MSRA: variants seen among roughly 807,000 people sequenced by gnomAD.
MSRA encodes the protein methionine sulfoxide reductase A.
In MSRA, 54 loss-of-function variants were observed where a neutral mutation model predicts 31.3. The observed-to-expected ratio is 1.73, with a 90% CI of 1.39 to 2.17. The LOEUF (loss-of-function observed/expected upper bound fraction) is 2.17, where lower values mean the gene tolerates loss of function less well. Ranked by LOEUF, MSRA falls within the 30% of genes most tolerant of loss-of-function variation. The pLI is 0.00. For synonymous variants in MSRA, 169 were observed against 116.5 expected, an observed-to-expected ratio of 1.45 and a Z score of -2.90; for missense variants, 507 against 300.9, an observed-to-expected ratio of 1.69 and a Z score of -5.07.
intron 3 of MSRA, among the ~76,000 whole-genome samples, chr8:10,255,782 A>G (rs1179092596): frequency 5.5e-5 from 8 of 146,504 alleles, no homozygotes; most frequent in African/African-American, 2.0e-4. Context: ...GTGTGGGGGC[A>G]TTGGGAGGCT....
At chr8:10,156,640 G>T (rs903410302) in intron 1 of MSRA, among the ~76,000 whole-genome samples, 3 of 151,982 alleles carry the variant, frequency 2.0e-5, no homozygotes, top group Admixed American at 2.0e-4. Flanking sequence ...GTGCTAGGAT[G>T]GCATGTGGGA....
At chr8:10,392,440 T>G (rs1258647159) in intron 5 of MSRA, among the ~76,000 whole-genome samples, 4 of 152,088 alleles carry the variant, frequency 2.6e-5, no homozygotes, top group African/African-American at 4.8e-5. Flanking sequence ...CTGAGTCCAG[T>G]GCAGCCCTCT....
chr8:10,266,038 A>G (rs536688802), intron 3 of MSRA, among the ~76,000 whole-genome samples: 2 of 152,306 alleles, frequency 1.3e-5, no homozygotes, highest in African/African-American at 4.8e-5. Context: ...TGTTACAAAT[A>G]ATGCTGCCAT....
At chr8:10,288,567 C>T (rs1223257235) in intron 3 of MSRA, among the ~76,000 whole-genome samples, 3 of 152,134 alleles carry the variant, frequency 2.0e-5, no homozygotes, top group African/African-American at 7.2e-5. Context: ...TGTAAAATAA[C>T]TGATGCTTTT....
Position 10,073,391 on chromosome 8 carries a change from C to G in MSRA, c.142+18733C>G, listed in dbSNP as rs367725783. 2.2e-4 allele frequency among the ~76,000 whole-genome samples: 34 copies of G among 152,270 alleles called. No homozygotes were observed. The East Asian group carries it at 4.8e-3, about 22-fold the overall frequency. On this transcript the variant is annotated intron_variant, in intron 1 of 5. Coordinates refer to ENST00000317173, the MANE Select transcript of MSRA (RefSeq NM_012331.5). ...AACACAGGCATGCTTATTGCTTTAG[C>G]TGTTTTCTGTGTCTGCGTTCTCAGT...
At chr8:10,179,477 C>A (rs888095445) in intron 1 of MSRA, among the ~76,000 whole-genome samples, 2 of 152,148 alleles carry the variant, frequency 1.3e-5, no homozygotes, top group African/African-American at 4.8e-5. Context: ...TTCAGTCATT[C>A]TGAACAGAAG....
intron 1 of MSRA, among the ~76,000 whole-genome samples, chr8:10,099,221 C>T (rs529949875): frequency 1.6e-4 from 24 of 152,260 alleles, no homozygotes; most frequent in South Asian, 6.2e-4. Context: ...ATAAAAGTCA[C>T]GTGATCTGAG....
intron 3 of MSRA, among the ~76,000 whole-genome samples, chr8:10,272,575 C>T (rs1003055622): frequency 2.0e-5 from 3 of 152,192 alleles, no homozygotes; most frequent in Non-Finnish European, 2.9e-5. Flanking sequence ...CTAATGTCAT[C>T]CAGAAACACC....
intron 1 of MSRA, among the ~76,000 whole-genome samples, chr8:10,065,099 G>C (rs1291393832): frequency 3.9e-5 from 6 of 152,030 alleles, no homozygotes; most frequent in Admixed American, 2.6e-4. Context: ...TCATCTACCA[G>C]TGAGCCCTCT....
chr8:10,161,229 CATT>C (rs1176103402), intron 1 of MSRA, among the ~76,000 whole-genome samples: 1 of 152,168 alleles, frequency 6.6e-6, no homozygotes, highest in Non-Finnish European at 1.5e-5. Context: ...TTCCTCAGAG[CATT>C]GCTGAGAATA....
At chr8:10,177,587 AT>A (rs1806166518) in intron 1 of MSRA, among the ~76,000 whole-genome samples, 1 of 152,206 alleles carries the variant, frequency 6.6e-6, no homozygotes, top group Non-Finnish European at 1.5e-5. Flanking sequence ...CTATATCAGA[AT>A]TGACTTAAAA....
At chr8:10,338,899 G>T (rs1803231654) in intron 5 of MSRA, among the ~76,000 whole-genome samples, 3 of 152,174 alleles carry the variant, frequency 2.0e-5, no homozygotes, top group Admixed American at 2.0e-4. Context: ...TGCGGGCAAA[G>T]GTTATAATCC....
intron 5 of MSRA, among the ~76,000 whole-genome samples, chr8:10,382,336 G>C (rs1376994802): frequency 6.6e-6 from 1 of 152,184 alleles, no homozygotes; most frequent in Non-Finnish European, 1.5e-5. Flanking sequence ...TCTTTAGGAG[G>C]AAAACCCCTA....
intron 5 of MSRA, among the ~76,000 whole-genome samples, chr8:10,349,645 T>G (rs1302316692): frequency 6.6e-6 from 1 of 152,272 alleles, no homozygotes; most frequent in Non-Finnish European, 1.5e-5. Flanking sequence ...GAGTTGCTTT[T>G]GTGGCCTTCG....
At chr8:10,252,887 T>C (rs1797989953) in intron 3 of MSRA, among the ~76,000 whole-genome samples, 1 of 152,160 alleles carries the variant, frequency 6.6e-6, no homozygotes, top group African/African-American at 2.4e-5. Context: ...AAAATTTGAG[T>C]GACTCTATGG....
chr8:10,076,127 T>C (rs1399955258), intron 1 of MSRA, among the ~76,000 whole-genome samples: 1 of 152,238 alleles, frequency 6.6e-6, no homozygotes, highest in Non-Finnish European at 1.5e-5. Context: ...GCCTCAGTTT[T>C]CTCATTTGTA....
At chr8:10,328,501 G>A (rs1402463384) in intron 5 of MSRA, among the ~76,000 whole-genome samples, 1 of 151,962 alleles carries the variant, frequency 6.6e-6, no homozygotes, top group Non-Finnish European at 1.5e-5. Flanking sequence ...ACCTCTCCAT[G>A]ATTATGACCA....
At chr8:10,304,180 ACCCTCCTTGGC>A (rs1357758761) in intron 4 of MSRA, among the ~76,000 whole-genome samples, 1 of 151,956 alleles carries the variant, frequency 6.6e-6, no homozygotes, top group Non-Finnish European at 1.5e-5. Context: ...CAAGTGATCC[ACCCTCCTTGGC>A]CTCCCAAAGT....
intron 1 of MSRA, among the ~76,000 whole-genome samples, chr8:10,155,776 C>T (rs1427238084): frequency 6.6e-6 from 1 of 152,004 alleles, no homozygotes; most frequent in Admixed American, 6.5e-5. Context: ...TATGAGTCCA[C>T]AGTGATGAGA....
Sources: allele counts gnomAD v4.1 joint callset (sites outside exome capture counted in the v4.1 genomes callset), GRCh38; gene constraint gnomAD v4.1.1; transcripts MANE v1.5; gene names NCBI Gene and HGNC (gene_info 2026-07-23, HGNC 2026-07-21).